The following SLMAP variants were observed in gnomAD, a reference collection of about 807,000 sequenced individuals.
SLMAP encodes sarcolemma associated protein.
Under a neutral mutation model 128.8 loss-of-function variants are expected in SLMAP, and 44 were observed. The ratio of observed to expected loss-of-function variants is 0.34; its 90% confidence interval spans 0.27 to 0.44. The LOEUF (loss-of-function observed/expected upper bound fraction) is 0.44, where lower values mean the gene tolerates loss of function less well. Ranked by LOEUF, SLMAP falls within the 20% of genes least tolerant of loss-of-function variation. The pLI is 1.00. For synonymous variants in SLMAP, 327 were observed against 348.8 expected, an observed-to-expected ratio of 0.94 and a Z score of 0.70; for missense variants, 787 against 985.3, an observed-to-expected ratio of 0.80 and a Z score of 2.69.
At chr3:57,788,948 T>C (rs2084840809) in intron 2 of SLMAP, among the ~76,000 whole-genome samples, 1 of 152,124 alleles carries the variant, frequency 6.6e-6, no homozygotes, top group African/African-American at 2.4e-5. Flanking sequence ...ATAAGAAAGG[T>C]AGTGTTTGTA....
At chr3:57,842,379 C>T (rs1030665442) in intron 4 of SLMAP, among the ~76,000 whole-genome samples, 27 of 151,788 alleles carry the variant, frequency 1.8e-4, no homozygotes, top group Middle Eastern at 3.4e-3. Flanking sequence ...GAAGTAATAT[C>T]GTAAATTTAA....
intron 8 of SLMAP, among the ~76,000 whole-genome samples, chr3:57,859,648 GC>G (rs1251634356): frequency 5.9e-5 from 9 of 152,138 alleles, no homozygotes; most frequent in African/African-American, 2.2e-4. Context: ...ATAAGTGGAA[GC>G]TAAGCTATAG....
In SLMAP at chr3:57,859,150, C is replaced by T. The variant is rs191098578; in HGVS notation, c.687+991C>T. 1.2e-4 allele frequency among the ~76,000 whole-genome samples: 18 copies of T among 151,916 alleles called. No individual in the cohort carries two copies. In the East Asian group the frequency reaches 3.1e-3, roughly 26 times the overall value. ...ACCAGCGTGGCCAACATGGCGAAAC[C>T]CCGTCTCTACTAAAAGTACAAAAAT... On this transcript the variant is annotated intron_variant, in intron 8 of 24. Transcript: ENST00000671191.
At chr3:57,811,894 A>G (rs2091041858) in intron 2 of SLMAP, among the ~76,000 whole-genome samples, 1 of 152,028 alleles carries the variant, frequency 6.6e-6, no homozygotes, top group Non-Finnish European at 1.5e-5. Flanking sequence ...TGTCTATTCC[A>G]ATCCTTTGCC....
At chr3:57,834,786 A>T (rs1254772990) in intron 3 of SLMAP, among the ~76,000 whole-genome samples, 1 of 152,080 alleles carries the variant, frequency 6.6e-6, no homozygotes, top group African/African-American at 2.4e-5. Context: ...GAAAACTATA[A>T]TTAATTTTAT....
intron 14 of SLMAP, among the ~76,000 whole-genome samples, chr3:57,875,676 A>G (rs1327243213): frequency 6.6e-6 from 1 of 152,176 alleles, no homozygotes; most frequent in Non-Finnish European, 1.5e-5. Context: ...TCAGGTAGCA[A>G]GTAGTAAGAA....
At chr3:57,843,704 T>TTTTCTTTC (rs144551713) in intron 4 of SLMAP, among the ~76,000 whole-genome samples, 1 of 147,108 alleles carries the variant, frequency 6.8e-6, no homozygotes, top group Non-Finnish European at 1.5e-5. Context: ...CCTTCCTTCC[T>TTTTCTTTC]TTTCTTTCTT....
intron 13 of SLMAP, among the ~76,000 whole-genome samples, chr3:57,868,648 G>GC (rs1419282941): frequency 1.3e-5 from 2 of 150,868 alleles, no homozygotes; most frequent in African/African-American, 4.9e-5. Context: ...GATCCCTTGA[G>GC]CCCAGAAATT....
intron 14 of SLMAP, among the ~76,000 whole-genome samples, chr3:57,888,441 A>T (rs993701455): frequency 1.3e-5 from 2 of 151,962 alleles, no homozygotes; most frequent in African/African-American, 4.8e-5. Context: ...ACATGGTGAA[A>T]CCCCGTCTCT....
rs7617014 is a variant in SLMAP at position 57,852,004 on chromosome 3, G to A, written c.519+2188G>A. Among the ~76,000 whole-genome samples, 1,214 of 152,084 alleles carry A rather than the reference G, an allele frequency of 8.0e-3. 6 individuals are homozygous for A. Among genetic ancestry groups the A allele is most frequent in the Non-Finnish European group, 0.011 (772 of 67,980 alleles). On this transcript the variant is annotated intron_variant, in intron 6 of 24. Coordinates refer to ENST00000671191, the MANE Select transcript of SLMAP (RefSeq NM_001377540.1). ...TGGCTCACTGCAACCTCCACTTCCC[G>A]GGTTCAAGCGATTCTCCTGCCTCAG...
In SLMAP at chr3:57,831,466, A is replaced by G. The variant is rs1015259334; in HGVS notation, c.282A>G (p.Pro94=). The change falls in exon 3 of 25, where the codon CCA becomes CCG. Residue 94 remains proline, a synonymous_variant. Transcript: ENST00000671191. Reference sequence around the variant, plus strand: ...GTCGAGGCTCTGAAGAAAGTCCACCATGTGAAATTCTTTCCGGTGACATTA... The same window carrying G: ...GTCGAGGCTCTGAAGAAAGTCCACCGTGTGAAATTCTTTCCGGTGACATTA... ...RLSRGSEESP[P]CEILSGDIIQ... 9 of 1,598,110 alleles carry G rather than the reference A, an allele frequency of 5.6e-6. No homozygotes were observed. Among genetic ancestry groups the G allele is most frequent in the South Asian group, 1.1e-5 (1 of 88,552 alleles).
At chr3:57,784,100 G>A (rs1451211710) in intron 2 of SLMAP, among the ~76,000 whole-genome samples, 1 of 152,196 alleles carries the variant, frequency 6.6e-6, no homozygotes, top group Non-Finnish European at 1.5e-5. Context: ...GGCCCAGACA[G>A]AGATGTGTAG....
intron 2 of SLMAP, among the ~76,000 whole-genome samples, chr3:57,768,522 C>G (rs189280720): frequency 1.7e-4 from 26 of 152,218 alleles, no homozygotes; most frequent in African/African-American, 5.3e-4. Flanking sequence ...ATTTCAAGTT[C>G]AGCCTGGGCA....
At chr3:57,785,399 T>G (rs941978233) in intron 2 of SLMAP, among the ~76,000 whole-genome samples, 5 of 152,216 alleles carry the variant, frequency 3.3e-5, no homozygotes, top group Non-Finnish European at 7.3e-5. Context: ...GGGCATAACC[T>G]TCTCTTAGGT....
At chr3:57,872,468 A>C (rs1261961819) in intron 14 of SLMAP, among the ~76,000 whole-genome samples, 1 of 151,754 alleles carries the variant, frequency 6.6e-6, no homozygotes, top group East Asian at 1.9e-4. Context: ...AAAATACAAA[A>C]ATTAGCTGGG....
intron 7 of SLMAP, 43 bp from the exon 8 acceptor site, chr3:57,858,045 A>G (rs1262561008): frequency 7.9e-7 from 1 of 1,264,092 alleles, no homozygotes; most frequent in Non-Finnish European, 1.2e-6. Context: ...ATGTGACTTT[A>G]TAATTACTCG....
intron 10 of SLMAP, among the ~76,000 whole-genome samples, chr3:57,862,890 C>T (rs182895191): frequency 1.3e-5 from 2 of 152,196 alleles, no homozygotes; most frequent in Non-Finnish European, 2.9e-5. Context: ...TCCATTTAGC[C>T]CAACCTCCAT....
In SLMAP at chr3:57,757,625, A is replaced by T; in HGVS notation, c.-27A>T. ...GGAGGAACTCCTCTTTGTCCCTGGTAGGAGAGACACCCCCAGTCTATCCTC... is the reference window on the plus strand; with the variant it reads ...GGAGGAACTCCTCTTTGTCCCTGGTTGGAGAGACACCCCCAGTCTATCCTC... On this transcript the variant is annotated 5_prime_UTR_variant, in exon 2 of 25. Coordinates refer to ENST00000671191, the MANE Select transcript of SLMAP (RefSeq NM_001377540.1). 1 of 1,611,336 alleles carries T rather than the reference A, an allele frequency of 6.2e-7. No individual in the cohort carries two copies. The highest frequency in any genetic ancestry group is 8.5e-7 in the Non-Finnish European group (1 of 1,178,350).
Position 57,851,774 on chromosome 3 carries a change from C to T in SLMAP, c.519+1958C>T, listed in dbSNP as rs571152340. On this transcript the variant is annotated intron_variant, in intron 6 of 24. Coordinates refer to ENST00000671191, the MANE Select transcript of SLMAP (RefSeq NM_001377540.1). ...TGCTGGGATTACAGGTGTGAGCCAC[C>T]GCACCAGGCAAGATTGAGGTTTTTA... is the stretch of plus-strand genomic sequence containing the variant. Among the ~76,000 whole-genome samples the T allele has an allele frequency of 3.0e-4, 45 of 151,970 alleles. 1 individual carries two copies. The highest frequency in any genetic ancestry group is 6.2e-4 in the Non-Finnish European group (42 of 67,968).
Sources: allele counts gnomAD v4.1 joint callset (sites outside exome capture counted in the v4.1 genomes callset), GRCh38; gene constraint gnomAD v4.1.1; transcripts MANE v1.5; gene names NCBI Gene and HGNC (gene_info 2026-07-23, HGNC 2026-07-21).